Variants in CAMK4 observed in about 807,000 individuals in gnomAD.
CAMK4 encodes the protein calcium/calmodulin dependent protein kinase IV, also known as calcium/calmodulin-dependent protein kinase type IV.
In CAMK4, 22 loss-of-function variants were observed where a neutral mutation model predicts 44.9. That is an observed-to-expected ratio of 0.49 (90% CI 0.35 to 0.70). The LOEUF is 0.70. Among genes scored for constraint, CAMK4 ranks in the 30% least tolerant of loss-of-function variants. CAMK4 has a pLI of 0.01. For synonymous variants in CAMK4, 218 were observed against 215.4 expected, an observed-to-expected ratio of 1.01 and a Z score of -0.11; for missense variants, 498 against 586.8, an observed-to-expected ratio of 0.85 and a Z score of 1.56.
intron 2 of CAMK4, among the ~76,000 whole-genome samples, chr5:111,363,074 G>A (rs1580653520): frequency 6.6e-6 from 1 of 152,092 alleles, no homozygotes; most frequent in African/African-American, 2.4e-5. Context: ...AGCCTGAAAT[G>A]GGGGAGAAGA....
At chr5:111,309,969 C>G (rs1748129132) in intron 1 of CAMK4, among the ~76,000 whole-genome samples, 1 of 152,146 alleles carries the variant, frequency 6.6e-6, no homozygotes, top group South Asian at 2.1e-4. Flanking sequence ...GATAAATAGT[C>G]TGTTAGATTA....
At chr5:111,253,553 A>G (rs1749612191) in intron 1 of CAMK4, among the ~76,000 whole-genome samples, 1 of 152,242 alleles carries the variant, frequency 6.6e-6, no homozygotes, top group Non-Finnish European at 1.5e-5. Context: ...TGCCATATCA[A>G]AATAGCTGAC....
intron 5 of CAMK4, among the ~76,000 whole-genome samples, chr5:111,432,958 T>C (rs1205253277): frequency 6.6e-6 from 1 of 152,144 alleles, no homozygotes; most frequent in Non-Finnish European, 1.5e-5. Flanking sequence ...TTTACTTTGA[T>C]AGGCAAGCAC....
chr5:111,269,907 C>T (rs189074776), intron 1 of CAMK4: 1 of 152,368 alleles, frequency 6.6e-6, no homozygotes, highest in Admixed American at 6.5e-5. Flanking sequence ...TCCCCACATC[C>T]AATTGGATGT....
rs139963994 is a variant in CAMK4 at position 111,291,052 on chromosome 5, G to T, written c.162-52972G>T. ...AGATTGACAATTATAAGTGAAATAA[G>T]CCCAAAACTTTTAATGAATCCCTCA... On this transcript the variant is annotated intron_variant, in intron 1 of 10. Transcript: ENST00000282356. Among the ~76,000 whole-genome samples, 705 of 152,226 alleles carry T rather than the reference G, an allele frequency of 4.6e-3. 6 individuals carry two copies. Among genetic ancestry groups the T allele is most frequent in the African/African-American group, 0.016 (651 of 41,542 alleles).
chr5:111,397,782 G>C (rs926372862), intron 5 of CAMK4, among the ~76,000 whole-genome samples: 2 of 151,372 alleles, frequency 1.3e-5, no homozygotes, highest in African/African-American at 4.9e-5. Flanking sequence ...TTTCCTTTCT[G>C]GGACAGTAGC....
In CAMK4 at chr5:111,250,185, C is replaced by T. The variant is rs879691491; in HGVS notation, c.161+25541C>T. 5.1e-4 allele frequency among the ~76,000 whole-genome samples: 77 copies of T among 152,300 alleles called. 1 individual carries two copies. Among genetic ancestry groups the T allele is most frequent in the Admixed American group, 3.9e-3 (60 of 15,298 alleles). ...AGATAAAATGAAACTAAATTATGAG[C>T]AAATTGGCCATGCACACAAATTTGG... On this transcript the variant is annotated intron_variant, in intron 1 of 10. Coordinates refer to ENST00000282356, the MANE Select transcript of CAMK4 (RefSeq NM_001744.6).
intron 1 of CAMK4, among the ~76,000 whole-genome samples, chr5:111,313,389 T>C (rs1367295582): frequency 1.3e-5 from 2 of 152,160 alleles, no homozygotes; most frequent in African/African-American, 4.8e-5. Context: ...AGAAACTCTT[T>C]GTTACCTTTT....
At chr5:111,423,049 CTTGAATCTAATTATTTACAAAATCTTG>C (rs2112921513) in intron 5 of CAMK4, among the ~76,000 whole-genome samples, 1 of 152,240 alleles carries the variant, frequency 6.6e-6, no homozygotes, top group African/African-American at 2.4e-5. Context: ...TATTCATTGA[CTTGAATCTAATTATTTACAAAATCTTG>C]TTTAGGATCC....
At chr5:111,443,243 CATATAT>C (rs1232548245) in intron 5 of CAMK4, among the ~76,000 whole-genome samples, 97 of 72,188 alleles carry the variant, frequency 1.3e-3, no homozygotes, top group Middle Eastern at 7.1e-3. Flanking sequence ...CTCCCCCTAC[CATATAT>C]ATATATATAT....
At chr5:111,234,619 G>A (rs1248642152) in intron 1 of CAMK4, among the ~76,000 whole-genome samples, 5 of 152,340 alleles carry the variant, frequency 3.3e-5, no homozygotes, top group African/African-American at 1.2e-4. Context: ...GACAGTACTT[G>A]AAGAGTTGTG....
At chr5:111,244,495 C>G (rs1749144815) in intron 1 of CAMK4, among the ~76,000 whole-genome samples, 1 of 152,162 alleles carries the variant, frequency 6.6e-6, no homozygotes, top group African/African-American at 2.4e-5. Context: ...TATTCTTTGT[C>G]ATACCTCTTT....
intron 1 of CAMK4, among the ~76,000 whole-genome samples, chr5:111,294,281 T>G (rs1004208388): frequency 6.6e-6 from 1 of 152,148 alleles, no homozygotes; most frequent in African/African-American, 2.4e-5. Flanking sequence ...ACTACACATA[T>G]TCACAATGCT....
chr5:111,406,308 C>T (rs776320747), intron 5 of CAMK4, among the ~76,000 whole-genome samples: 8 of 151,662 alleles, frequency 5.3e-5, no homozygotes, highest in East Asian at 1.9e-4. Context: ...CTGCAACTTC[C>T]GCCTCCCTGG....
intron 1 of CAMK4, among the ~76,000 whole-genome samples, chr5:111,303,622 G>A (rs1400838681): frequency 3.0e-5 from 4 of 135,038 alleles, no homozygotes; most frequent in Non-Finnish European, 6.1e-5. Flanking sequence ...CGTCTGATTG[G>A]TGTACCTGAA....
At chr5:111,335,335 C>A (rs1202812124) in intron 1 of CAMK4, among the ~76,000 whole-genome samples, 1 of 151,330 alleles carries the variant, frequency 6.6e-6, no homozygotes, top group Non-Finnish European at 1.5e-5. Context: ...AATATGAACC[C>A]AGACTTCCTA....
Position 111,484,514 on chromosome 5 carries a change from T to C in CAMK4, c.*48T>C, listed in dbSNP as rs1173760328. 2.3e-6 allele frequency: 3 copies of C among 1,329,688 alleles called. No individual in the cohort carries two copies. Among genetic ancestry groups the C allele is most frequent in the Non-Finnish European group, 3.1e-6 (3 of 981,626 alleles). 82.4% of individuals were successfully genotyped at this position (1,329,688 alleles called of 1,614,324 possible). ...GCCAAACACCGGCATTTTATGTACTTTGTCCTTCAGCAAGAAAGGTGTGGA... is the reference window on the plus strand; with the variant it reads ...GCCAAACACCGGCATTTTATGTACTCTGTCCTTCAGCAAGAAAGGTGTGGA... On this transcript the variant is annotated 3_prime_UTR_variant, in exon 11 of 11. Transcript: ENST00000282356. The surrounding 1 kb of genome is among the most constrained non-coding windows in gnomAD (Gnocchi z 5.3).
chr5:111,323,872 G>C (rs1355773255), intron 1 of CAMK4, among the ~76,000 whole-genome samples: 2 of 151,984 alleles, frequency 1.3e-5, no homozygotes, highest in Non-Finnish European at 2.9e-5. Context: ...TTTTTATTCT[G>C]CCCTTACTAT....
intron 1 of CAMK4, among the ~76,000 whole-genome samples, chr5:111,292,560 T>C (rs947675535): frequency 2.0e-5 from 3 of 152,150 alleles, no homozygotes; most frequent in Admixed American, 2.0e-4. Flanking sequence ...TTTCTCTGTT[T>C]AATAGCATAG....
Sources: allele counts gnomAD v4.1 joint callset (sites outside exome capture counted in the v4.1 genomes callset), GRCh38; gene constraint gnomAD v4.1.1; non-coding constraint Gnocchi (gnomAD v3.1); transcripts MANE v1.5; gene names NCBI Gene and HGNC (gene_info 2026-07-23, HGNC 2026-07-21).